NUP85: variants seen among roughly 807,000 people sequenced by gnomAD.
The protein encoded by NUP85 is nucleoporin 85.
NUP85 carries 23 observed loss-of-function variants against 92.8 expected under a neutral mutation model. The observed-to-expected ratio is 0.25, with a 90% confidence interval of 0.18 to 0.35. The LOEUF (loss-of-function observed/expected upper bound fraction) is 0.35, where lower values mean the gene tolerates loss of function less well. NUP85 is among the 10% of genes least tolerant of loss of function. The pLI, the probability that NUP85 is intolerant of heterozygous loss-of-function variation, is 1.00. For missense variants in NUP85, 759 were observed against 822.8 expected (o/e 0.92, Z 0.95); for synonymous variants, 314 against 306.9 (o/e 1.02, Z -0.24).
Position 75,232,931 on chromosome 17 carries a change from G to A in NUP85, c.1477G>A (p.Ala493Thr), listed in dbSNP as rs955864300. 29 of 1,614,092 alleles carry A rather than the reference G, an allele frequency of 1.8e-5. No individual in the cohort carries two copies. The highest frequency in any genetic ancestry group is 2.4e-5 in the Non-Finnish European group (28 of 1,180,040). ...TTCTGCCCTCTCTTGGAGCATCCGT[G>A]CTAAGGATGCCGCCTTTGCCACGCT... ...LGSALSWSIR[A>T]KDAAFATLVS... Residue 493 changes from alanine (A) to threonine (T), a missense_variant, in exon 15 of 19, where the codon GCT (alanine) becomes ACT (threonine). Coordinates refer to ENST00000245544, the MANE Select transcript of NUP85 (RefSeq NM_024844.5).
chr17:75,223,032 C>CAAAAAA (rs1190240035), intron 7 of NUP85, among the ~76,000 whole-genome samples: 1 of 48,074 alleles, frequency 2.1e-5, no homozygotes, highest in African/African-American at 5.0e-5. Context: ...GACTCTGTCT[C>CAAAAAA]AAAAAAAAAA....
chr17:75,205,749 G>A lies in NUP85; in HGVS notation c.-13G>A. ...GCGTCCGAGCGACTTCTAGGAGCCTGGGGTTCGGCGCTATGGAGGAGCTCG... is the reference window on the plus strand; with the variant it reads ...GCGTCCGAGCGACTTCTAGGAGCCTAGGGTTCGGCGCTATGGAGGAGCTCG... On this transcript the variant is annotated 5_prime_UTR_variant, in exon 1 of 19. Transcript: ENST00000245544. 1 of 1,614,174 alleles carries A rather than the reference G, an allele frequency of 6.2e-7. No individual in the cohort carries two copies.
chr17:75,218,400 T>G, intron 7 of NUP85, 94 bp downstream of exon 7: 1 of 1,499,774 alleles, frequency 6.7e-7, no homozygotes, highest in Non-Finnish European at 9.2e-7. Flanking sequence ...CCTCCAGCAG[T>G]AGGCTGGCTT....
In NUP85 at chr17:75,205,704, G is replaced by A. The variant is rs2075054138; in HGVS notation, c.-58G>A. On this transcript the variant is annotated 5_prime_UTR_variant, in exon 1 of 19. Coordinates refer to ENST00000245544, the MANE Select transcript of NUP85 (RefSeq NM_024844.5). Reference sequence around the variant, plus strand: ...GTCTCGCAGCCAGCTCTGAGCGGGAGGCCTGAGCGGGAAGCATTGGCGTCC... The same window carrying A: ...GTCTCGCAGCCAGCTCTGAGCGGGAAGCCTGAGCGGGAAGCATTGGCGTCC... The A allele has an allele frequency of 1.9e-6, 3 of 1,608,202 alleles. No homozygotes were observed. Among genetic ancestry groups the A allele is most frequent in the African/African-American group, 1.3e-5 (1 of 74,838 alleles).
Position 75,218,220 on chromosome 17 carries a change from C to T in NUP85, c.511C>T (p.Arg171Trp), listed in dbSNP as rs549941786. ...CCTCCTCCATCTCCTTGACTGGGTC[C>T]GGCTCCATGTGTGCGAGGTGGACAG... ...PLLLHLLDWV[R>W]LHVCEVDSLS... Residue 171 changes from arginine to tryptophan, a missense_variant, in exon 7 of 19, where the codon CGG becomes TGG. Transcript: ENST00000245544. 6.8e-6 allele frequency: 11 copies of T among 1,613,936 alleles called. No individual in the cohort carries two copies. Among genetic ancestry groups the T allele is most frequent in the African/African-American group, 1.3e-5 (1 of 75,002 alleles).
chr17:75,225,355 A>T lies in NUP85; in HGVS notation c.746A>T (p.Gln249Leu). Residue 249 changes from glutamine (Q) to leucine (L), a missense_variant, in exon 9 of 19, where the codon CAG becomes CTG. Coordinates refer to ENST00000245544, the MANE Select transcript of NUP85 (RefSeq NM_024844.5). Reference sequence around the variant, plus strand: ...TCTCTCCCTTAGCCCGGGAACACCCAGACACTGACAGAGCTGGAGCTGAAG... The same window carrying T: ...TCTCTCCCTTAGCCCGGGAACACCCTGACACTGACAGAGCTGGAGCTGAAG... ...TMPILSPGNT[Q>L]TLTELELKWQ... is the part of the protein sequence containing the mutation. The T allele has an allele frequency of 6.2e-7, 1 of 1,614,252 alleles. No individual in the cohort carries two copies.
chr17:75,205,688 C>T lies in NUP85; in HGVS notation c.-74C>T, dbSNP rs1378196547. The T allele has an allele frequency of 1.3e-6, 2 of 1,583,238 alleles. No homozygotes were observed. Among genetic ancestry groups the T allele is most frequent in the African/African-American group, 1.3e-5 (1 of 74,262 alleles). ...GCCCAGGCGGAGTCTTGTCTCGCAG[C>T]CAGCTCTGAGCGGGAGGCCTGAGCG... On this transcript the variant is annotated 5_prime_UTR_variant, in exon 1 of 19. Transcript: ENST00000245544.
At chr17:75,212,172 T>G (rs1294324421) in intron 4 of NUP85, 110 bp downstream of exon 4, 1 of 597,876 alleles carries the variant, frequency 1.7e-6, no homozygotes, top group Non-Finnish European at 2.7e-6. Flanking sequence ...GATATTCCAG[T>G]CCAAAACTTA....
At chr17:75,229,565 TGA>T (rs779770682) in intron 11 of NUP85, among the ~76,000 whole-genome samples, 16 of 151,948 alleles carry the variant, frequency 1.1e-4, no homozygotes, top group Non-Finnish European at 1.5e-5. Context: ...TCCTTCAGAG[TGA>T]GAGAGAGACA....
rs766437066 is a variant in NUP85 at position 75,217,220 on chromosome 17, C to T, written c.476-965C>T. 4.0e-4 allele frequency among the ~76,000 whole-genome samples: 61 copies of T among 152,146 alleles called. 1 individual carries two copies. The highest frequency in any genetic ancestry group is 6.5e-4 in the Non-Finnish European group (44 of 67,992). ...GACCACAGGCCTGCACCACCACGCC[C>T]GGCTAATTTTTGTATTTTTTGTGGA... On this transcript the variant is annotated intron_variant, in intron 6 of 18. Transcript: ENST00000245544.
intron 4 of NUP85, 30 bp downstream of exon 4, chr17:75,212,092 G>T: frequency 7.4e-7 from 1 of 1,345,734 alleles, no homozygotes; most frequent in Non-Finnish European, 1.0e-6. Flanking sequence ...GCGCGCGTGT[G>T]TGTGTGTGTG....
At position 75,231,030 on chromosome 17, in the gene NUP85, C is replaced by T. The variant is rs1431541921; in HGVS notation, c.1095-310C>T. The T allele has an allele frequency of 3.1e-6, 1 of 321,128 alleles. No individual in the cohort carries two copies. Among genetic ancestry groups the T allele is most frequent in the Non-Finnish European group, 6.0e-6 (1 of 167,574 alleles). 19.9% of individuals were successfully genotyped at this position (321,128 alleles called of 1,614,324 possible). ...GATTGCAGCCTCTGCTTCCCAGGCTCAAGCAATACTCCCACCCCAGCTTCT... is the reference window on the plus strand; with the variant it reads ...GATTGCAGCCTCTGCTTCCCAGGCTTAAGCAATACTCCCACCCCAGCTTCT... On this transcript the variant is annotated intron_variant, in intron 11 of 18. Coordinates refer to ENST00000245544, the MANE Select transcript of NUP85 (RefSeq NM_024844.5). This position sits in a 1 kb window ranked among gnomAD's most constrained non-coding sequence, Gnocchi z 4.6.
chr17:75,227,954 TTG>T (rs747359483), intron 11 of NUP85: 97 of 155,190 alleles, frequency 6.3e-4, no homozygotes, highest in Non-Finnish European at 1.0e-3. Flanking sequence ...AAGTCAAGTT[TTG>T]TGTCAATATT....
At chr17:75,225,299 G>A in intron 8 of NUP85, 43 bp from the exon 9 acceptor site, 1 of 1,613,218 alleles carries the variant, frequency 6.2e-7, no homozygotes, top group South Asian at 1.1e-5. Context: ...TAAATATAAA[G>A]GGTGTGGATG....
intron 1 of NUP85, among the ~76,000 whole-genome samples, chr17:75,206,664 C>T (rs1365401486): frequency 6.6e-6 from 1 of 152,026 alleles, no homozygotes; most frequent in Non-Finnish European, 1.5e-5. Flanking sequence ...TTTATGTATG[C>T]ATTCATCTCA....
chr17:75,232,384 C>T (rs2145416026), intron 14 of NUP85, among the ~76,000 whole-genome samples: 1 of 152,280 alleles, frequency 6.6e-6, no homozygotes, highest in African/African-American at 2.4e-5. Flanking sequence ...CAAGTCTGCC[C>T]CTTCATTTCT....
intron 5 of NUP85, among the ~76,000 whole-genome samples, chr17:75,214,931 G>T (rs2075383440): frequency 6.6e-6 from 1 of 151,764 alleles, no homozygotes; most frequent in East Asian, 1.9e-4. Flanking sequence ...CAGCACTTTG[G>T]GAGGCCGAGG....
rs552598913 is a variant in NUP85 at position 75,221,054 on chromosome 17, T to A, written c.597+2748T>A. ...CTGCCACCACGCCTGGCTAATTTTT[T>A]AATTTTGTTTAGTAGAGACGGGATT... On this transcript the variant is annotated intron_variant, in intron 7 of 18. Coordinates refer to ENST00000245544, the MANE Select transcript of NUP85 (RefSeq NM_024844.5). Among the ~76,000 whole-genome samples the A allele has an allele frequency of 4.1e-3, 631 of 152,096 alleles. 2 individuals carry two copies. Among genetic ancestry groups the A allele is most frequent in the African/African-American group, 0.014 (598 of 41,488 alleles).
intron 5 of NUP85, among the ~76,000 whole-genome samples, chr17:75,213,544 C>T (rs909151581): frequency 1.3e-5 from 2 of 151,976 alleles, no homozygotes; most frequent in Non-Finnish European, 2.9e-5. Flanking sequence ...CCACCCGCCT[C>T]GACCTCCCAA....
Sources: allele counts gnomAD v4.1 joint callset (sites outside exome capture counted in the v4.1 genomes callset), GRCh38; gene constraint gnomAD v4.1.1; non-coding constraint Gnocchi (gnomAD v3.1); transcripts MANE v1.5; gene names NCBI Gene and HGNC (gene_info 2026-07-23, HGNC 2026-07-21).